The following KIF13A variants were observed in gnomAD, a reference collection of about 807,000 sequenced individuals.
KIF13A encodes the protein kinesin-like protein KIF13A.
Under a neutral mutation model 212.2 loss-of-function variants are expected in KIF13A, and 79 were observed. The observed-to-expected ratio is 0.37, with a 90% confidence interval of 0.31 to 0.45. The LOEUF is 0.45. KIF13A is among the 20% of genes least tolerant of loss of function. The pLI, the probability that KIF13A is intolerant of heterozygous loss-of-function variation, is 1.00. For missense variants in KIF13A, 1,901 were observed against 2,209.0 expected, an observed-to-expected ratio of 0.86 and a Z score of 2.79; for synonymous variants, 789 against 808.6, an observed-to-expected ratio of 0.98 and a Z score of 0.41.
rs1759828526 is a variant in KIF13A at position 17,775,066 on chromosome 6, TAAG to T, written c.4171-7_4171-5del. Reference sequence around the variant, plus strand: ...GGTCCGGTCGGCTGGAAGAGACCTATAAGAGAAGAATGGTTTTAGCAATGTGGT... The same window carrying T: ...GGTCCGGTCGGCTGGAAGAGACCTATAGAAGAATGGTTTTAGCAATGTGGT... On this transcript the variant is annotated splice_polypyrimidine_tract_variant and splice_region_variant and intron_variant, in intron 34 of 38. Coordinates refer to ENST00000259711, the MANE Select transcript of KIF13A (RefSeq NM_022113.6). 6.2e-7 allele frequency: 1 copy of T among 1,609,748 alleles called. No homozygotes were observed. The highest frequency in any genetic ancestry group is 1.1e-5 in the South Asian group (1 of 90,268).
Position 17,883,535 on chromosome 6 carries a change from T to G in KIF13A, c.160-10098A>C, listed in dbSNP as rs980344085. ...CAACGATACTTTGCCAAAGCCTCCA[T>G]TTTTACTTCAACTGCCACAGTAACA... is the stretch of plus-strand genomic sequence containing the variant. On this transcript the variant is annotated intron_variant, in intron 3 of 38. Coordinates refer to ENST00000259711, the MANE Select transcript of KIF13A (RefSeq NM_022113.6). This position sits in a 1 kb window ranked among gnomAD's most constrained non-coding sequence, Gnocchi z 4.8. 6.6e-6 allele frequency among the ~76,000 whole-genome samples: 1 copy of G among 152,174 alleles called. No individual in the cohort carries two copies. The highest frequency in any genetic ancestry group is 1.5e-5 in the Non-Finnish European group (1 of 68,026).
At position 17,876,601 on chromosome 6, in the gene KIF13A, T is replaced by C. The variant is rs573707321; in HGVS notation, c.160-3164A>G. Reference sequence around the variant, plus strand: ...TATTTTATTTTTCATTTATCATGTATATGATCTGTGTGTGTGAGACAGCAT... The same window carrying C: ...TATTTTATTTTTCATTTATCATGTACATGATCTGTGTGTGTGAGACAGCAT... On this transcript the variant is annotated intron_variant, in intron 3 of 38. Coordinates refer to ENST00000259711, the MANE Select transcript of KIF13A (RefSeq NM_022113.6). Among the ~76,000 whole-genome samples, 3 of 150,234 alleles carry C rather than the reference T, an allele frequency of 2.0e-5. No homozygotes were observed. The South Asian group carries it at 6.4e-4, about 32-fold the overall frequency.
In KIF13A at chr6:17,984,706, A is replaced by C. The variant is rs941229566; in HGVS notation, c.146+2348T>G. 6.6e-6 allele frequency among the ~76,000 whole-genome samples: 1 copy of C among 152,146 alleles called. No individual in the cohort carries two copies. The highest frequency in any genetic ancestry group is 1.5e-5 in the Non-Finnish European group (1 of 68,034). On this transcript the variant is annotated intron_variant, in intron 2 of 38. Transcript: ENST00000259711. This position sits in a 1 kb window ranked among gnomAD's most constrained non-coding sequence, Gnocchi z 5.0. ...GGCTAATTCATTGGTAATTTCTTGCAACTTTCAGAAAAACAGTAATTCTCA... is the reference window on the plus strand; with the variant it reads ...GGCTAATTCATTGGTAATTTCTTGCCACTTTCAGAAAAACAGTAATTCTCA...
At chr6:17,830,923 A>C (rs1383918860) in intron 13 of KIF13A, among the ~76,000 whole-genome samples, 178 bp downstream of exon 13, 1 of 152,074 alleles carries the variant, frequency 6.6e-6, no homozygotes, top group East Asian at 1.9e-4. Flanking sequence ...ACAGCCCCAG[A>C]TGATACAAAA....
At chr6:17,824,287 A>G (rs1436113470) in intron 16 of KIF13A, among the ~76,000 whole-genome samples, 3 of 152,156 alleles carry the variant, frequency 2.0e-5, no homozygotes, top group Non-Finnish European at 4.4e-5. Flanking sequence ...AAAAGGCCAA[A>G]AGCTTTAATC....
At chr6:17,979,932 A>G (rs1780909658) in intron 2 of KIF13A, among the ~76,000 whole-genome samples, 1 of 152,270 alleles carries the variant, frequency 6.6e-6, no homozygotes, top group South Asian at 2.1e-4. Flanking sequence ...GTAAAAAGAA[A>G]AAATAAAACC....
chr6:17,928,631 T>G (rs1775702594), intron 2 of KIF13A, among the ~76,000 whole-genome samples: 1 of 152,124 alleles, frequency 6.6e-6, no homozygotes, highest in Non-Finnish European at 1.5e-5. Flanking sequence ...ATAAATACCT[T>G]CTCTTTGCTG....
chr6:17,775,524 A>G (rs1398932705), intron 34 of KIF13A, among the ~76,000 whole-genome samples: 1 of 152,222 alleles, frequency 6.6e-6, no homozygotes, highest in Non-Finnish European at 1.5e-5. Flanking sequence ...ATCAAATCTT[A>G]CAAAAAATTC....
chr6:17,852,469 G>C (rs965278035), intron 6 of KIF13A, among the ~76,000 whole-genome samples: 3 of 152,174 alleles, frequency 2.0e-5, no homozygotes, highest in Non-Finnish European at 4.4e-5. Flanking sequence ...GCCCAGGCTA[G>C]AGTGCAGTAG....
At chr6:17,901,407 A>T (rs1471118504) in intron 2 of KIF13A, among the ~76,000 whole-genome samples, 1 of 152,204 alleles carries the variant, frequency 6.6e-6, no homozygotes, top group Non-Finnish European at 1.5e-5. Context: ...ATATATATAA[A>T]CTACTAAAAT....
chr6:17,957,472 A>G (rs1054599803), intron 2 of KIF13A, among the ~76,000 whole-genome samples: 12 of 152,326 alleles, frequency 7.9e-5, no homozygotes, highest in African/African-American at 2.9e-4. Flanking sequence ...ACTGGTAAAT[A>G]TAAGTGCTCC....
Position 17,765,245 on chromosome 6 carries a change from A to G in KIF13A, c.4582-299T>C, listed in dbSNP as rs771306640. Among the ~76,000 whole-genome samples the G allele has an allele frequency of 3.5e-4, 54 of 152,296 alleles. 1 individual carries two copies. The Middle Eastern group carries it at 0.024, about 67-fold the overall frequency. On this transcript the variant is annotated intron_variant, in intron 38 of 38. Transcript: ENST00000259711. Reference sequence around the variant, plus strand: ...TCCCTGGTTTAAGAGAAAGAATGGAACTGAAGTGCAGTGGACATTTTGTTA... The same window carrying G: ...TCCCTGGTTTAAGAGAAAGAATGGAGCTGAAGTGCAGTGGACATTTTGTTA...
chr6:17,779,518 C>T (rs555250143), intron 32 of KIF13A, 74 bp downstream of exon 32: 35 of 623,020 alleles, frequency 5.6e-5, no homozygotes, highest in African/African-American at 4.6e-4. Context: ...GTGATCCACC[C>T]GCCTCGGCCT....
intron 2 of KIF13A, among the ~76,000 whole-genome samples, chr6:17,981,121 C>T (rs1781032547): frequency 6.6e-6 from 1 of 151,346 alleles, no homozygotes; most frequent in Non-Finnish European, 1.5e-5. Flanking sequence ...AAACCCAGAG[C>T]CCAAGCTCTT....
chr6:17,941,448 A>C (rs1462404625), intron 2 of KIF13A, among the ~76,000 whole-genome samples: 1 of 152,210 alleles, frequency 6.6e-6, no homozygotes, highest in Admixed American at 6.5e-5. Context: ...TCAGTACCTC[A>C]GAATGCGACA....
Position 17,837,661 on chromosome 6 carries a change from TC to T in KIF13A, c.831-79del. 1 of 1,011,176 alleles carries T rather than the reference TC, an allele frequency of 9.9e-7. No homozygotes were observed. Among genetic ancestry groups the T allele is most frequent in the Non-Finnish European group, 1.5e-6 (1 of 665,610 alleles). 62.6% of individuals were successfully genotyped at this position (1,011,176 alleles called of 1,614,324 possible). A position where few individuals can be genotyped will look rare whatever the true frequency, so the allele number is the denominator to read the frequency against. ...TATAAAATATGCAGAACAATAAAGC[TC>T]CACAGTTAATACACGTTGGTGGCTC... On this transcript the variant is annotated intron_variant, in intron 9 of 38. Coordinates refer to ENST00000259711, the MANE Select transcript of KIF13A (RefSeq NM_022113.6). The surrounding 1 kb of genome is among the most constrained non-coding windows in gnomAD (Gnocchi z 5.4).
chr6:17,870,300 C>G (rs949741757), intron 4 of KIF13A, among the ~76,000 whole-genome samples: 1 of 152,118 alleles, frequency 6.6e-6, no homozygotes, highest in Non-Finnish European at 1.5e-5. Flanking sequence ...ATCATGCAAC[C>G]TAAAATTTAC....
intron 16 of KIF13A, chr6:17,821,713 G>C: frequency 1.3e-6 from 2 of 1,491,536 alleles, no homozygotes; most frequent in South Asian, 2.5e-5. Flanking sequence ...AAAGCATGGA[G>C]CATGAGCATC....
In KIF13A at chr6:17,927,420, C is replaced by G. The variant is rs141016959; in HGVS notation, c.147-29240G>C. On this transcript the variant is annotated intron_variant, in intron 2 of 38. Coordinates refer to ENST00000259711, the MANE Select transcript of KIF13A (RefSeq NM_022113.6). ...TAAGACAGACACAAAAGGATAAACA[C>G]TGTATGATTCTACTTACATGAGGTA... Among the ~76,000 whole-genome samples the G allele has an allele frequency of 1.4e-4, 21 of 152,204 alleles. No homozygotes were observed. In the East Asian group the frequency reaches 3.9e-3, roughly 28 times the overall value.
Sources: gnomAD v4.1 joint callset for allele counts (sites outside exome capture counted in the v4.1 genomes callset) on GRCh38, gnomAD v4.1.1 for gene constraint, Gnocchi (gnomAD v3.1) non-coding constraint, MANE v1.5 for transcripts, NCBI Gene and HGNC (gene_info 2026-07-23, HGNC 2026-07-21) for gene names.